PCCA: variants seen among roughly 807,000 people sequenced by gnomAD.
PCCA encodes propionyl-CoA carboxylase alpha chain, mitochondrial.
PCCA carries 74 observed loss-of-function variants against 101.3 expected under a neutral mutation model. The observed-to-expected ratio is 0.73, with a 90% CI of 0.61 to 0.89. The LOEUF is 0.89. PCCA is among the 40% of genes least tolerant of loss of function. PCCA has a pLI of 0.00. For synonymous variants in PCCA, 294 were observed against 313.6 expected, an observed-to-expected ratio of 0.94 and a Z score of 0.66; for missense variants, 891 against 907.0, an observed-to-expected ratio of 0.98 and a Z score of 0.23.
intron 4 of PCCA, among the ~76,000 whole-genome samples, chr13:100,134,088 C>T (rs2050853583): frequency 6.6e-6 from 1 of 152,148 alleles, no homozygotes; most frequent in Non-Finnish European, 1.5e-5. Context: ...TGTGGTACTT[C>T]ACCTTGTGAT....
intron 21 of PCCA, among the ~76,000 whole-genome samples, chr13:100,487,715 A>AAT (rs2084501476): frequency 6.6e-6 from 1 of 151,754 alleles, no homozygotes; most frequent in Non-Finnish European, 1.5e-5. Context: ...AAATGCTGCG[A>AAT]TGGGACCTTT....
At chr13:100,516,329 C>A (rs1234661153) in intron 22 of PCCA, among the ~76,000 whole-genome samples, 1 of 152,160 alleles carries the variant, frequency 6.6e-6, no homozygotes, top group Non-Finnish European at 1.5e-5. Flanking sequence ...GGTGGTGATT[C>A]CGTTTTGTAT....
At chr13:100,323,698 T>C (rs1321251140) in intron 16 of PCCA, among the ~76,000 whole-genome samples, 1 of 152,226 alleles carries the variant, frequency 6.6e-6, no homozygotes. Context: ...AACTTCTGTC[T>C]GATGTTTTAT....
chr13:100,149,650 C>A (rs2053051534), intron 4 of PCCA: 1 of 152,152 alleles, frequency 6.6e-6, no homozygotes, highest in Non-Finnish European at 1.5e-5. Flanking sequence ...GAGTGTTCTA[C>A]CCAGTGTCTT....
intron 19 of PCCA, among the ~76,000 whole-genome samples, chr13:100,406,689 CAA>C (rs2077701756): frequency 1.3e-5 from 2 of 152,118 alleles, no homozygotes; most frequent in South Asian, 2.1e-4. Flanking sequence ...GGCTGGGCAA[CAA>C]GAGTGAAACT....
chr13:100,529,334 C>T (rs574075614), intron 23 of PCCA, among the ~76,000 whole-genome samples: 4 of 152,296 alleles, frequency 2.6e-5, no homozygotes, highest in South Asian at 2.1e-4. Context: ...CTTTTCAGTC[C>T]AAGCAGCATC....
chr13:100,291,233 A>G (rs2065093552), intron 12 of PCCA, among the ~76,000 whole-genome samples: 1 of 152,316 alleles, frequency 6.6e-6, no homozygotes, highest in East Asian at 1.9e-4. Context: ...AACCATGATC[A>G]TGCCACTGCA....
chr13:100,403,645 C>G (rs1450071436), intron 19 of PCCA, among the ~76,000 whole-genome samples: 1 of 152,072 alleles, frequency 6.6e-6, no homozygotes, highest in African/African-American at 2.4e-5. Context: ...GGATGGGGTT[C>G]TTTGTCCCAT....
intron 7 of PCCA, among the ~76,000 whole-genome samples, chr13:100,226,863 T>C (rs975417292): frequency 3.9e-5 from 6 of 152,178 alleles, no homozygotes; most frequent in African/African-American, 9.7e-5. Context: ...ACTAATTTCA[T>C]CTTCTTAATA....
chr13:100,394,604 A>G lies in PCCA; in HGVS notation c.1746+26030A>G, dbSNP rs1435640844. On this transcript the variant is annotated intron_variant, in intron 19 of 23. Coordinates refer to ENST00000376285, the MANE Select transcript of PCCA (RefSeq NM_000282.4). The surrounding 1 kb of genome is among the most constrained non-coding windows in gnomAD (Gnocchi z 4.3). ...GTAGTTGTTTGTTTCAGAAGCTTAT[A>G]TTAACCACAAAAACAAAGTGAATCA... is the stretch of plus-strand genomic sequence containing the variant. Among the ~76,000 whole-genome samples, 1 of 152,330 alleles carries G rather than the reference A, an allele frequency of 6.6e-6. No homozygotes were observed.
chr13:100,121,522 T>A (rs1159205733), intron 4 of PCCA, among the ~76,000 whole-genome samples: 1 of 149,308 alleles, frequency 6.7e-6, no homozygotes. Flanking sequence ...TTGCCCAGGC[T>A]GGAGTGCAAT....
At chr13:100,151,083 C>T (rs1048095588) in intron 4 of PCCA, 16 of 1,512,522 alleles carry the variant, frequency 1.1e-5, no homozygotes, top group African/African-American at 1.4e-5. Flanking sequence ...TGGATGTACT[C>T]GTATGCACCC....
intron 9 of PCCA, among the ~76,000 whole-genome samples, chr13:100,258,186 T>C (rs1312470155): frequency 6.6e-6 from 1 of 152,210 alleles, no homozygotes; most frequent in Non-Finnish European, 1.5e-5. Flanking sequence ...GTGTCCTTTA[T>C]ATGGAATGCG....
intron 20 of PCCA, 29 bp downstream of exon 20, chr13:100,425,760 G>T: frequency 7.1e-7 from 1 of 1,416,652 alleles, no homozygotes; most frequent in Non-Finnish European, 1.0e-6. Flanking sequence ...TCCTTAGAGG[G>T]CCTCCTCAAG....
At chr13:100,437,845 T>G (rs970517952) in intron 20 of PCCA, among the ~76,000 whole-genome samples, 1 of 152,066 alleles carries the variant, frequency 6.6e-6, no homozygotes, top group African/African-American at 2.4e-5. Flanking sequence ...ATTTTTTGTA[T>G]TTTTAGTAGA....
intron 6 of PCCA, among the ~76,000 whole-genome samples, chr13:100,196,023 A>C (rs187184706): frequency 7.2e-5 from 11 of 152,222 alleles, no homozygotes; most frequent in African/African-American, 2.2e-4. Flanking sequence ...AACATACTTT[A>C]ATCTTAGTCT....
intron 6 of PCCA, among the ~76,000 whole-genome samples, chr13:100,183,518 G>C (rs1186829571): frequency 1.3e-5 from 2 of 152,202 alleles, no homozygotes; most frequent in Non-Finnish European, 2.9e-5. Context: ...GGGGAAGTCA[G>C]ATGACGAAGT....
At chr13:100,145,220 G>A (rs2052383886) in intron 4 of PCCA, among the ~76,000 whole-genome samples, 1 of 152,236 alleles carries the variant, frequency 6.6e-6, no homozygotes, top group African/African-American at 2.4e-5. Flanking sequence ...AGTTACCTAT[G>A]TAAAAGCATA....
At chr13:100,395,074 C>T (rs2076982189) in intron 19 of PCCA, among the ~76,000 whole-genome samples, 1 of 152,134 alleles carries the variant, frequency 6.6e-6, no homozygotes, top group African/African-American at 2.4e-5. Context: ...TTTCTTTGCT[C>T]TAACATCCTG....
Sources: allele counts gnomAD v4.1 joint callset (sites outside exome capture counted in the v4.1 genomes callset), GRCh38; gene constraint gnomAD v4.1.1; non-coding constraint Gnocchi (gnomAD v3.1); transcripts MANE v1.5; gene names NCBI Gene and HGNC (gene_info 2026-07-23, HGNC 2026-07-21).